PLAAT5: variants seen among roughly 807,000 people sequenced by gnomAD.
PLAAT5 encodes the protein phospholipase A and acyltransferase 5, also known as Ca(2+)-independent N-acyltransferase.
Under a neutral mutation model 27.8 loss-of-function variants are expected in PLAAT5, and 27 were observed. That is an observed-to-expected ratio of 0.97 (90% CI 0.72 to 1.34). PLAAT5 has a LOEUF of 1.34. Among genes scored for constraint, PLAAT5 ranks in the 40% most tolerant of loss-of-function variants. The pLI is 0.00. For synonymous variants in PLAAT5, 125 were observed against 136.1 expected (o/e 0.92, Z 0.57); for missense variants, 368 against 343.8 (o/e 1.07, Z -0.56).
At chr11:63,490,536 T>C (rs2016538721) in intron 1 of PLAAT5, 2 of 781,408 alleles carry the variant, frequency 2.6e-6, no homozygotes, top group Non-Finnish European at 4.1e-6. Context: ...AAAGAGAGAC[T>C]TTGGGATTCC....
Position 63,483,840 on chromosome 11 carries a change from TATAC to T in PLAAT5, c.345+5027_345+5030del, listed in dbSNP as rs1175304643. 1.1e-3 allele frequency among the ~76,000 whole-genome samples: 117 copies of T among 102,956 alleles called. 2 individuals are homozygous for T. Among genetic ancestry groups the T allele is most frequent in the African/African-American group, 3.8e-3 (105 of 27,280 alleles). 67.5% of individuals were successfully genotyped at this position (102,956 alleles called of 152,430 possible). ...ATATATATATATATATATATATATA[TATAC>T]ACATATATATATATGAAACAAAAAG... On this transcript the variant is annotated intron_variant, in intron 3 of 5. Coordinates refer to ENST00000540857, the MANE Select transcript of PLAAT5 (RefSeq NM_001146729.2).
rs1565218837 is a variant in PLAAT5 at position 63,490,940 on chromosome 11, G to C, written c.95C>G (p.Thr32Ser). 1.9e-6 allele frequency: 3 copies of C among 1,601,762 alleles called. No individual in the cohort carries two copies. The highest frequency in any genetic ancestry group is 2.6e-6 in the Non-Finnish European group (3 of 1,174,516). Residue 32 changes from threonine to serine, a missense_variant, in exon 1 of 6, where the codon ACC becomes AGC. Coordinates refer to ENST00000540857, the MANE Select transcript of PLAAT5 (RefSeq NM_001146729.2). ...LPKPASRTAS[T>S]GPKDQPPALR... ...CGCAGGCGGCTGGTCCTTGGGCCCG[G>C]TACTGGCGGTTCGCGAGGCGGGTTT...
chr11:63,491,064 G>C lies in PLAAT5; in HGVS notation c.-30C>G. Reference sequence around the variant, plus strand: ...CCTCTGCGGCCTCGCCGGCCCCCAGGCCTTGCAGGGGACTACGCCCCTGGC... The same window carrying C: ...CCTCTGCGGCCTCGCCGGCCCCCAGCCCTTGCAGGGGACTACGCCCCTGGC... On this transcript the variant is annotated 5_prime_UTR_variant, in exon 1 of 6. Coordinates refer to ENST00000540857, the MANE Select transcript of PLAAT5 (RefSeq NM_001146729.2). 7.1e-7 allele frequency: 1 copy of C among 1,414,936 alleles called. No homozygotes were observed. Among genetic ancestry groups the C allele is most frequent in the Non-Finnish European group, 9.2e-7 (1 of 1,087,008 alleles). 87.6% of individuals were successfully genotyped at this position (1,414,936 alleles called of 1,614,324 possible).
intron 3 of PLAAT5, among the ~76,000 whole-genome samples, chr11:63,472,212 A>G (rs947952387): frequency 6.6e-6 from 1 of 152,318 alleles, no homozygotes; most frequent in Admixed American, 6.5e-5. Flanking sequence ...TGAAGAAAAA[A>G]AAAGGAAAGA....
Position 63,490,295 on chromosome 11 carries a change from C to T in PLAAT5, c.187G>A (p.Ala63Thr). The T allele has an allele frequency of 6.2e-7, 1 of 1,614,208 alleles. No individual in the cohort carries two copies. Among genetic ancestry groups the T allele is most frequent in the South Asian group, 1.1e-5 (1 of 91,082 alleles). Reference sequence around the variant, plus strand: ...AATGTGCCCGGCGGAGGCTGCTTGGCTGGGAGCTGGACCAACGCTGCGAAT... The same window carrying T: ...AATGTGCCCGGCGGAGGCTGCTTGGTTGGGAGCTGGACCAACGCTGCGAAT... The part of the protein sequence containing the change: ...VGFAALVQLP[A>T]KQPPPGTLEQ... The change falls in exon 2 of 6, where the codon GCC (alanine) becomes ACC (threonine). Residue 63 changes from alanine (A) to threonine (T), a missense_variant. Transcript: ENST00000540857.
At chr11:63,484,923 G>A (rs1399662189) in intron 3 of PLAAT5, among the ~76,000 whole-genome samples, 2 of 152,076 alleles carry the variant, frequency 1.3e-5, no homozygotes, top group African/African-American at 4.8e-5. Flanking sequence ...CCTAGAACTG[G>A]TAAATCAATT....
Position 63,491,151 on chromosome 11 carries a change from G to A in PLAAT5, c.-117C>T, listed in dbSNP as rs1309960775. The A allele has an allele frequency of 2.2e-6, 2 of 910,360 alleles. No homozygotes were observed. Among genetic ancestry groups the A allele is most frequent in the African/African-American group, 1.7e-5 (1 of 57,168 alleles). 56.4% of individuals were successfully genotyped at this position (910,360 alleles called of 1,614,324 possible). ...CGCGGAAGCTTGGGCACTGGGGGCG[G>A]CTCGGGGAGGAACCGCGGAGGGGAA... On this transcript the variant is annotated 5_prime_UTR_variant, in exon 1 of 6. Coordinates refer to ENST00000540857, the MANE Select transcript of PLAAT5 (RefSeq NM_001146729.2).
At chr11:63,489,007 A>T (rs759239715) in intron 2 of PLAAT5, 31 bp from the exon 3 acceptor site, 35 of 1,386,488 alleles carry the variant, frequency 2.5e-5, no homozygotes, top group Non-Finnish European at 3.5e-5. Context: ...AAAGTTAACA[A>T]ATATCACTAT....
Position 63,466,363 on chromosome 11 carries a change from A to G in PLAAT5, c.464T>C (p.Phe155Ser), listed in dbSNP as rs774263743. 8.1e-6 allele frequency: 13 copies of G among 1,613,848 alleles called. No individual in the cohort carries two copies. In the South Asian group the frequency reaches 1.4e-4, roughly 18 times the overall value. Residue 155 changes from phenylalanine to serine, a missense_variant, in exon 5 of 6, where the codon TTT (phenylalanine) becomes TCT (serine). Transcript: ENST00000540857. Reference sequence around the variant, plus strand: ...GATGGAAGTAATGCTGCCCACCTCAAACTCCTCACCTGGAGACCAAAGACA... The same window carrying G: ...GATGGAAGTAATGCTGCCCACCTCAGACTCCTCACCTGGAGACCAAAGACA... Reference protein sequence around the residue: ...VVHLAPPSEEFEVGSITSIFS... With the variant: ...VVHLAPPSEESEVGSITSIFS...
chr11:63,470,096 A>C (rs1229436187), intron 3 of PLAAT5: 2 of 142,370 alleles, frequency 1.4e-5, no homozygotes, highest in African/African-American at 6.4e-5. Flanking sequence ...TCTCAAAAAA[A>C]AAAAAAGAAT....
At chr11:63,484,833 C>T (rs1281594906) in intron 3 of PLAAT5, among the ~76,000 whole-genome samples, 1 of 152,098 alleles carries the variant, frequency 6.6e-6, no homozygotes, top group East Asian at 1.9e-4. Flanking sequence ...GCATCCAAAT[C>T]AGTAAAAAGG....
Position 63,488,949 on chromosome 11 carries a change from G to C in PLAAT5, c.267C>G (p.Thr89=). 6.2e-7 allele frequency: 1 copy of C among 1,613,042 alleles called. No individual in the cohort carries two copies. Among genetic ancestry groups the C allele is most frequent in the African/African-American group, 1.3e-5 (1 of 74,924 alleles). The change falls in exon 3 of 6, where the codon ACC becomes ACG. Residue 89 remains threonine (T), a synonymous_variant. Transcript: ENST00000540857. ...TCCAGTCTGCTTTCTGGCTGGGTGTGGTCTCCAAGCTAACTACAGCCTTCT... is the reference window on the plus strand; with the variant it reads ...TCCAGTCTGCTTTCTGGCTGGGTGTCGTCTCCAAGCTAACTACAGCCTTCT... ...QGEKAVVSLE[T]TPSQKADWSS...
chr11:63,469,436 A>G lies in PLAAT5; in HGVS notation c.346-971T>C, dbSNP rs541368460. ...CCTGGAGCAAAGAAAAGAGCCCTGG[A>G]ATATGGAGAGACACAAGATGGTAGC... On this transcript the variant is annotated intron_variant, in intron 3 of 5. Transcript: ENST00000540857. 5 of 246,384 alleles carry G rather than the reference A, an allele frequency of 2.0e-5. No individual in the cohort carries two copies. In the East Asian group the frequency reaches 5.3e-4, roughly 26 times the overall value. The allele number at this position is 246,384 out of a possible 1,614,324, so 15.3% of individuals were successfully genotyped here.
chr11:63,490,943 C>G lies in PLAAT5; in HGVS notation c.92G>C (p.Ser31Thr). 6.2e-7 allele frequency: 1 copy of G among 1,602,270 alleles called. No homozygotes were observed. Among genetic ancestry groups the G allele is most frequent in the Non-Finnish European group, 8.5e-7 (1 of 1,174,750 alleles). ...PLPKPASRTASTGPKDQPPAL... is the reference protein window; with the variant it reads ...PLPKPASRTATTGPKDQPPAL... ...AGGCGGCTGGTCCTTGGGCCCGGTA[C>G]TGGCGGTTCGCGAGGCGGGTTTGGG... Residue 31 changes from serine to threonine, a missense_variant, in exon 1 of 6, where the codon AGT (serine) becomes ACT (threonine). By Grantham distance (58) the Ser-to-Thr change is moderately conservative. Transcript: ENST00000540857.
Position 63,463,153 on chromosome 11 carries a change from G to C in PLAAT5, c.*350C>G, listed in dbSNP as rs1413436488. ...TGGAAATATTCAAGCAGAGGTTTCT[G>C]GGATGTTTCTGATGGCACTCAAGCA... is the stretch of plus-strand genomic sequence containing the variant. On this transcript the variant is annotated 3_prime_UTR_variant, in exon 6 of 6. Coordinates refer to ENST00000540857, the MANE Select transcript of PLAAT5 (RefSeq NM_001146729.2). The C allele has an allele frequency of 4.4e-6, 1 of 227,738 alleles. No homozygotes were observed. The highest frequency in any genetic ancestry group is 8.6e-6 in the Non-Finnish European group (1 of 116,878). The allele number at this position is 227,738 out of a possible 1,614,324, so 14.1% of individuals were successfully genotyped here.
At chr11:63,464,435 G>A (rs7115686) in intron 5 of PLAAT5, among the ~76,000 whole-genome samples, 16,383 of 151,994 alleles carry the variant, frequency 0.11, 1,940 homozygotes, top group African/African-American at 0.29. Flanking sequence ...AGGCGTGTGG[G>A]TCACGAGGTC....
At chr11:63,467,327 C>CT (rs1417237295) in intron 4 of PLAAT5, among the ~76,000 whole-genome samples, 4 of 152,040 alleles carry the variant, frequency 2.6e-5, no homozygotes, top group Non-Finnish European at 5.9e-5. Context: ...AACTCCTGGA[C>CT]TTAGTCTGGA....
rs555254947 is a variant in PLAAT5, at chr11:63,477,632, T to G, written c.346-9167A>C. Among the ~76,000 whole-genome samples the G allele has an allele frequency of 2.6e-4, 39 of 152,198 alleles. 2 individuals are homozygous for G. The South Asian group carries it at 7.9e-3, about 31-fold the overall frequency. ...CTGAGATTACAGGTGCCTGCCACCA[T>G]GCACAGCTAATTTTTGTATTTTAGT... On this transcript the variant is annotated intron_variant, in intron 3 of 5. Transcript: ENST00000540857.
chr11:63,480,600 A>G (rs1165887692), intron 3 of PLAAT5, among the ~76,000 whole-genome samples: 1 of 152,156 alleles, frequency 6.6e-6, no homozygotes, highest in African/African-American at 2.4e-5. Flanking sequence ...CTTGGTTACA[A>G]ATTGAAATCG....
Sources: gnomAD v4.1 joint callset for allele counts (sites outside exome capture counted in the v4.1 genomes callset) on GRCh38, gnomAD v4.1.1 for gene constraint, MANE v1.5 for transcripts, NCBI Gene and HGNC (gene_info 2026-07-23, HGNC 2026-07-21) for gene names.